Variants in MIDN observed in about 807,000 individuals in gnomAD.
The protein encoded by MIDN is midnolin.
Under a neutral mutation model 46.1 loss-of-function variants are expected in MIDN, and 26 were observed. The observed-to-expected ratio is 0.56, with a 90% CI of 0.41 to 0.78. The LOEUF (loss-of-function observed/expected upper bound fraction) is 0.78, where lower values mean the gene tolerates loss of function less well. Among genes scored for constraint, MIDN ranks in the 30% least tolerant of loss-of-function variants. MIDN has a pLI of 0.00. For synonymous variants in MIDN, 432 were observed against 343.3 expected (o/e 1.26, Z -2.86); for missense variants, 850 against 771.8 (o/e 1.10, Z -1.20).
intron 1 of MIDN, among the ~76,000 whole-genome samples, chr19:1,248,863 G>T (rs1202565217): frequency 6.6e-6 from 1 of 151,058 alleles, no homozygotes; most frequent in Admixed American, 6.6e-5. Context: ...CCCGCCCCCC[G>T]GGGCACTCCC....
chr19:1,249,486 C>T (rs997093532), intron 1 of MIDN, among the ~76,000 whole-genome samples: 143 of 149,812 alleles, frequency 9.5e-4, no homozygotes, highest in African/African-American at 3.4e-3. Context: ...CGCTCCCGGC[C>T]GCTCCCTTGG....
At position 1,251,384 on chromosome 19, in the gene MIDN, G is replaced by T. The variant is rs900520888; in HGVS notation, c.234-178G>T. 3 of 582,896 alleles carry T rather than the reference G, an allele frequency of 5.1e-6. No individual in the cohort carries two copies. In the African/African-American group the frequency reaches 5.8e-5, roughly 11 times the overall value. The allele number at this position is 582,896 out of a possible 1,614,324, so 36.1% of individuals were successfully genotyped here. ...CCGAATCGCCAGGATGGGGCTCCCAGCACCAGACGGAGACCTCTCTGCACG... is the reference window on the plus strand; with the variant it reads ...CCGAATCGCCAGGATGGGGCTCCCATCACCAGACGGAGACCTCTCTGCACG... On this transcript the variant is annotated intron_variant, in intron 2 of 8. Coordinates refer to ENST00000682408, the MANE Select transcript of MIDN (RefSeq NM_001388306.1).
intron 8 of MIDN, 90 bp from the exon 9 acceptor site, chr19:1,256,905 A>C: frequency 1.3e-6 from 2 of 1,562,822 alleles, no homozygotes; most frequent in Non-Finnish European, 1.7e-6. Flanking sequence ...ACTGTGTCTG[A>C]CCTCAGGGGC....
chr19:1,249,851 T>C (rs554271334), intron 1 of MIDN, 39 bp from the exon 2 acceptor site: 1 of 151,564 alleles, frequency 6.6e-6, no homozygotes, highest in Admixed American at 6.5e-5. Flanking sequence ...GGAACGTTGA[T>C]ACATTATAAC....
chr19:1,252,594 G>T (rs1221479885), intron 4 of MIDN, among the ~76,000 whole-genome samples: 3 of 151,618 alleles, frequency 2.0e-5, no homozygotes, highest in African/African-American at 7.3e-5. Flanking sequence ...CTGCGGCCAA[G>T]CCTTCCTCAG....
At chr19:1,251,416 G>C in intron 2 of MIDN, 146 bp from the exon 3 acceptor site, 1 of 685,028 alleles carries the variant, frequency 1.5e-6, no homozygotes, top group Non-Finnish European at 2.4e-6. Flanking sequence ...CACGCGCTTA[G>C]GGCCCTGGAT....
At chr19:1,256,160 G>A (rs1199785940) in intron 8 of MIDN, among the ~76,000 whole-genome samples, 7 of 152,238 alleles carry the variant, frequency 4.6e-5, no homozygotes, top group Non-Finnish European at 7.3e-5. Context: ...CTCTGCACCC[G>A]TCGCGGGGGC....
In MIDN at chr19:1,257,301, C is replaced by G. The variant is rs201056488; in HGVS notation, c.*29C>G. Reference sequence around the variant, plus strand: ...CTTCGGATCGGCCACCCTCGCCCCTCGCACCCCAGCCCAGGGCGGCGGGGA... The same window carrying G: ...CTTCGGATCGGCCACCCTCGCCCCTGGCACCCCAGCCCAGGGCGGCGGGGA... On this transcript the variant is annotated 3_prime_UTR_variant, in exon 9 of 9. Transcript: ENST00000682408. The G allele has an allele frequency of 6.3e-7, 1 of 1,598,958 alleles. No homozygotes were observed. Among genetic ancestry groups the G allele is most frequent in the East Asian group, 2.2e-5 (1 of 44,796 alleles).
chr19:1,254,610 C>T (rs2081175252), intron 6 of MIDN, 132 bp downstream of exon 6: 7 of 1,007,752 alleles, frequency 6.9e-6, no homozygotes, highest in African/African-American at 1.6e-5. Flanking sequence ...CCTGTGACCT[C>T]GGGCTGGTGG....
At chr19:1,249,037 C>T (rs547062306) in intron 1 of MIDN, among the ~76,000 whole-genome samples, 1 of 151,960 alleles carries the variant, frequency 6.6e-6, no homozygotes, top group East Asian at 1.9e-4. Context: ...GGCGCCCCCT[C>T]CCCGGGACTC....
At chr19:1,255,800 T>TG (rs1333703991) in intron 8 of MIDN, 106 bp downstream of exon 8, 32 of 1,107,364 alleles carry the variant, frequency 2.9e-5, no homozygotes, top group Non-Finnish European at 3.6e-5. Flanking sequence ...GCCCAGGGGC[T>TG]GGGGGGGATG....
Position 1,257,411 on chromosome 19 carries a change from C to CT in MIDN, c.*145dup, listed in dbSNP as rs955218583. On this transcript the variant is annotated 3_prime_UTR_variant, in exon 9 of 9. Coordinates refer to ENST00000682408, the MANE Select transcript of MIDN (RefSeq NM_001388306.1). Reference sequence around the variant, plus strand: ...GCCAGAAGTCTTTTTTTCTTTTCTTCTTTTTTATTATTTTTTTCTTTTTTT... The same window carrying CT: ...GCCAGAAGTCTTTTTTTCTTTTCTTCTTTTTTTATTATTTTTTTCTTTTTTT... 1 of 658,706 alleles carries CT rather than the reference C, an allele frequency of 1.5e-6. No individual in the cohort carries two copies. The highest frequency in any genetic ancestry group is 1.9e-5 in the African/African-American group (1 of 52,768). 40.8% of individuals were successfully genotyped at this position (658,706 alleles called of 1,614,324 possible).
chr19:1,251,528 C>G, intron 2 of MIDN, 34 bp from the exon 3 acceptor site: 1 of 1,598,480 alleles, frequency 6.3e-7, no homozygotes. Flanking sequence ...GTGTCGTCTC[C>G]GCGGAGTCTC....
At chr19:1,251,238 C>T (rs1158886508) in intron 2 of MIDN, 1 of 333,684 alleles carries the variant, frequency 3.0e-6, no homozygotes, top group Non-Finnish European at 5.5e-6. Context: ...AGGGGCTGCC[C>T]TGGGGTCGTG....
Position 1,253,951 on chromosome 19 carries a change from C to A in MIDN, c.385-3C>A. On this transcript the variant is annotated splice_polypyrimidine_tract_variant and splice_region_variant and intron_variant, in intron 4 of 8. Transcript: ENST00000682408. ...CCCGTCTGACCCGCCTCTGTCCCCA[C>A]AGCCCCCAGCGGCGCCCGGGCCGGG... The A allele has an allele frequency of 7.2e-7, 1 of 1,389,304 alleles. No individual in the cohort carries two copies. The allele number at this position is 1,389,304 out of a possible 1,614,324, so 86.1% of individuals were successfully genotyped here.
At chr19:1,250,723 G>A (rs1234296657) in intron 2 of MIDN, among the ~76,000 whole-genome samples, 194 bp downstream of exon 2, 1 of 151,202 alleles carries the variant, frequency 6.6e-6, no homozygotes. Context: ...GCACAAAGGC[G>A]GCTGCGAGGG....
intron 6 of MIDN, 95 bp from the exon 7 acceptor site, chr19:1,254,807 T>C: frequency 7.2e-7 from 1 of 1,396,330 alleles, no homozygotes; most frequent in Non-Finnish European, 9.7e-7. Context: ...ACAGGTCATC[T>C]CCTGACCTGG....
intron 2 of MIDN, 100 bp from the exon 3 acceptor site, chr19:1,251,461 TC>T: frequency 1.9e-6 from 2 of 1,056,474 alleles, no homozygotes; most frequent in Non-Finnish European, 2.7e-6. Flanking sequence ...TGGGAACTTA[TC>T]CGTCTCTCCC....
chr19:1,252,285 T>A (rs578117372), intron 4 of MIDN, among the ~76,000 whole-genome samples: 2 of 152,174 alleles, frequency 1.3e-5, no homozygotes, highest in Non-Finnish European at 2.9e-5. Flanking sequence ...TCTCCTTTTT[T>A]ACATTTCTGC....
Sources: gnomAD v4.1 joint callset for allele counts (sites outside exome capture counted in the v4.1 genomes callset) on GRCh38, gnomAD v4.1.1 for gene constraint, MANE v1.5 for transcripts, NCBI Gene and HGNC (gene_info 2026-07-23, HGNC 2026-07-21) for gene names.